Variants in FBXO28 observed in about 807,000 individuals in gnomAD.
The protein encoded by FBXO28 is F-box protein 28.
A neutral mutation model predicts 38.1 loss-of-function variants in FBXO28; 8 were observed. The ratio of observed to expected loss-of-function variants is 0.21; its 90% CI spans 0.12 to 0.38. The LOEUF (loss-of-function observed/expected upper bound fraction) is 0.38. FBXO28 is among the 10% of genes least tolerant of loss of function. The pLI is 1.00. For synonymous variants in FBXO28, 168 were observed against 173.8 expected (o/e 0.97, Z 0.26); for missense variants, 345 against 460.6 (o/e 0.75, Z 2.30).
At chr1:224,137,824 T>G (rs1657232059) in intron 3 of FBXO28, among the ~76,000 whole-genome samples, 1 of 151,786 alleles carries the variant, frequency 6.6e-6, no homozygotes, top group Admixed American at 6.6e-5. Context: ...ACAGGTTACC[T>G]CTCCAATTGC....
At chr1:224,128,574 A>G (rs901011606) in intron 1 of FBXO28, among the ~76,000 whole-genome samples, 9 of 152,178 alleles carry the variant, frequency 5.9e-5, no homozygotes, top group Non-Finnish European at 1.3e-4. Flanking sequence ...GGTATTATCC[A>G]TGTCTTACAG....
At chr1:224,151,473 A>G (rs1657646187) in intron 3 of FBXO28, among the ~76,000 whole-genome samples, 1 of 152,174 alleles carries the variant, frequency 6.6e-6, no homozygotes, top group Non-Finnish European at 1.5e-5. Flanking sequence ...TTATGCTGAG[A>G]GTCTAGAAAA....
intron 1 of FBXO28, among the ~76,000 whole-genome samples, 172 bp downstream of exon 1, chr1:224,114,568 G>A (rs945939886): frequency 1.3e-5 from 1 of 77,300 alleles, no homozygotes; most frequent in African/African-American, 4.7e-5. Context: ...AGCAGGAGTG[G>A]GCTGGTTCCC....
At chr1:224,147,343 AACC>A (rs1657532924) in intron 3 of FBXO28, among the ~76,000 whole-genome samples, 1 of 151,442 alleles carries the variant, frequency 6.6e-6, no homozygotes, top group African/African-American at 2.4e-5. Context: ...GAATCACTTG[AACC>A]CCGGAGGCAG....
intron 1 of FBXO28, 62 bp from the exon 2 acceptor site, chr1:224,130,410 A>G: frequency 9.5e-7 from 1 of 1,057,380 alleles, no homozygotes; most frequent in Middle Eastern, 2.0e-4. Context: ...GCCATCAGTT[A>G]TGAGTCTCAG....
At chr1:224,123,966 C>T (rs1387806350) in intron 1 of FBXO28, among the ~76,000 whole-genome samples, 2 of 152,088 alleles carry the variant, frequency 1.3e-5, no homozygotes, top group East Asian at 1.9e-4. Flanking sequence ...AAAAATTAGC[C>T]GGGCGTGGTG....
chr1:224,124,326 T>C (rs538904993), intron 1 of FBXO28, among the ~76,000 whole-genome samples: 1 of 152,354 alleles, frequency 6.6e-6, no homozygotes, highest in East Asian at 1.9e-4. Context: ...TCTTTGTTCT[T>C]CAGTGATTTA....
chr1:224,153,052 CA>C, intron 3 of FBXO28, 89 bp from the exon 4 acceptor site: 1 of 1,004,358 alleles, frequency 1.0e-6, no homozygotes. Context: ...ACTGGAATTG[CA>C]AAACAAGCAG....
At chr1:224,139,309 T>G (rs1000805809) in intron 3 of FBXO28, among the ~76,000 whole-genome samples, 1 of 151,826 alleles carries the variant, frequency 6.6e-6, no homozygotes, top group Non-Finnish European at 1.5e-5. Flanking sequence ...ATTCTTTTTT[T>G]TGTGTGTGTA....
intron 3 of FBXO28, among the ~76,000 whole-genome samples, chr1:224,138,004 A>C (rs565515893): frequency 1.3e-5 from 2 of 151,830 alleles, no homozygotes; most frequent in East Asian, 3.9e-4. Context: ...GAGGCGGGCA[A>C]ATCACTTGAG....
rs142354323 is a variant in FBXO28 at position 224,117,985 on chromosome 1, TTTAATTAATTAA to T, written c.267+3596_267+3607del. On this transcript the variant is annotated intron_variant, in intron 1 of 4. Transcript: ENST00000366862. The stretch of plus-strand genomic sequence containing the variant: ...ACTGAAAAACAAGTATAGGGAGCTT[TTTAATTAATTAA>T]TTAATTTATTTATTTATTTATTTAT... Among the ~76,000 whole-genome samples, 316 of 100,210 alleles carry T rather than the reference TTTAATTAATTAA, an allele frequency of 3.2e-3. 2 individuals are homozygous for T. The highest frequency in any genetic ancestry group is 9.7e-3 in the South Asian group (28 of 2,872). 65.7% of individuals were successfully genotyped at this position (100,210 alleles called of 152,430 possible).
chr1:224,123,219 G>A (rs900853604), intron 1 of FBXO28, among the ~76,000 whole-genome samples: 4 of 152,024 alleles, frequency 2.6e-5, no homozygotes, highest in South Asian at 2.1e-4. Flanking sequence ...TTGGTTCTCT[G>A]TTTATCTTAC....
At chr1:224,155,200 C>G (rs1466504766) in intron 4 of FBXO28, among the ~76,000 whole-genome samples, 1 of 151,908 alleles carries the variant, frequency 6.6e-6, no homozygotes, top group Non-Finnish European at 1.5e-5. Context: ...GAGTCTCACT[C>G]TGTCGCCCAG....
chr1:224,155,629 T>A (rs1248719208), intron 4 of FBXO28, among the ~76,000 whole-genome samples: 1 of 152,234 alleles, frequency 6.6e-6, no homozygotes, highest in Non-Finnish European at 1.5e-5. Flanking sequence ...TACTTTAAAT[T>A]AGGAAAGAAT....
At chr1:224,122,265 C>T (rs539367535) in intron 1 of FBXO28, among the ~76,000 whole-genome samples, 55 of 152,236 alleles carry the variant, frequency 3.6e-4, no homozygotes, top group South Asian at 1.9e-3. Context: ...CTTTTTGCCA[C>T]ATTTGCTTTA....
chr1:224,143,136 C>T (rs574704057), intron 3 of FBXO28, among the ~76,000 whole-genome samples: 4 of 147,002 alleles, frequency 2.7e-5, no homozygotes, highest in African/African-American at 7.6e-5. Context: ...TGCAGTGGTG[C>T]GGAACCCAGG....
chr1:224,138,739 G>GT (rs1657260525), intron 3 of FBXO28, among the ~76,000 whole-genome samples: 2 of 151,348 alleles, frequency 1.3e-5, no homozygotes, highest in Non-Finnish European at 2.9e-5. Context: ...TTATTTTTTT[G>GT]TTTTTTCTTT....
intron 3 of FBXO28, among the ~76,000 whole-genome samples, chr1:224,148,698 A>C (rs964792533): frequency 2.0e-5 from 3 of 152,056 alleles, no homozygotes; most frequent in African/African-American, 7.2e-5. Context: ...AACACCCTAG[A>C]ATAAATGCTT....
At chr1:224,135,611 C>CAG (rs1366040144) in intron 3 of FBXO28, among the ~76,000 whole-genome samples, 3 of 110,766 alleles carry the variant, frequency 2.7e-5, no homozygotes, top group Non-Finnish European at 5.3e-5. Context: ...GACTCTGTCT[C>CAG]AAAAAAAAAA....
Sources: allele counts gnomAD v4.1 joint callset (sites outside exome capture counted in the v4.1 genomes callset), GRCh38; gene constraint gnomAD v4.1.1; transcripts MANE v1.5; gene names NCBI Gene and HGNC (gene_info 2026-07-23, HGNC 2026-07-21).